PLEC: variants seen among roughly 807,000 people sequenced by gnomAD.
The protein encoded by PLEC is hemidesmosomal protein 1.
In PLEC, 216 loss-of-function variants were observed where a neutral mutation model predicts 392.8. That is an observed-to-expected ratio of 0.55 (90% CI 0.49 to 0.62). The LOEUF is 0.62. Among genes scored for constraint, PLEC ranks in the 20% least tolerant of loss-of-function variants. PLEC has a pLI of 0.00. For synonymous variants in PLEC, 3,621 were observed against 2,980.6 expected, an observed-to-expected ratio of 1.21 and a Z score of -7.00; for missense variants, 6,863 against 6,563.4, an observed-to-expected ratio of 1.05 and a Z score of -1.58.
chr8:143,946,400 A>G, intron 1 of PLEC: 1 of 1,288,450 alleles, frequency 7.8e-7, no homozygotes, highest in Non-Finnish European at 1.0e-6. Flanking sequence ...CATGGCTGCC[A>G]CACAGGCCAG....
At chr8:143,939,201 C>G in intron 1 of PLEC, 149 bp downstream of exon 1, 1 of 1,135,422 alleles carries the variant, frequency 8.8e-7, no homozygotes, top group Non-Finnish European at 1.3e-6. Context: ...TCGGCCCACT[C>G]CGTGTTGGGT....
chr8:143,929,258 C>T lies in PLEC; in HGVS notation c.3105G>A (p.Gly1035=). 1 of 1,601,588 alleles carries T rather than the reference C, an allele frequency of 6.2e-7. No individual in the cohort carries two copies. Among genetic ancestry groups the T allele is most frequent in the Non-Finnish European group, 8.5e-7 (1 of 1,179,522 alleles). Residue 1035 remains glycine, a synonymous_variant, in exon 25 of 32, where the codon GGG becomes GGA. Transcript: ENST00000345136. ...AGAGCCGGGCGACCCCCTTGCCCAG[C>T]CCCTCCACCTCTGCCTGTGCCTTCT... The part of the protein sequence containing the change: ...EQQKAQAEVE[G]LGKGVARLSA...
rs1586998321 is a variant in PLEC, at chr8:143,929,133, A to C, written c.3230T>G (p.Val1077Gly). ...LELTLGKLEQVRSLSAIYLEK... is the reference protein window; with the variant it reads ...LELTLGKLEQGRSLSAIYLEK... ...CAGGTAGATGGCAGACAGGCTGCGG[A>C]CCTGCTCCAGCTTGCCCAGCGTCAG... Residue 1077 changes from valine to glycine, a missense_variant, in exon 25 of 32, where the codon GTC becomes GGC. By Grantham distance (109) the Val-to-Gly change is moderately radical. Coordinates refer to ENST00000345136, the MANE Select transcript of PLEC (RefSeq NM_201384.3). 6.3e-7 allele frequency: 1 copy of C among 1,586,290 alleles called. No homozygotes were observed. The highest frequency in any genetic ancestry group is 8.6e-7 in the Non-Finnish European group (1 of 1,167,578).
chr8:143,942,425 T>A, upstream of PLEC: 1 of 1,605,450 alleles, frequency 6.2e-7, no homozygotes. Context: ...AGGTAGCCCC[T>A]GCGGGCCGGC....
At chr8:143,950,623 C>A in exon 1 of PLEC, 1 of 1,602,524 alleles carries the variant, frequency 6.2e-7, no homozygotes, top group East Asian at 2.3e-5. Flanking sequence ...GCCGGTCCTT[C>A]TTGGCCACCA....
At chr8:143,957,151 A>G (rs1234079289), upstream of PLEC, among the ~76,000 whole-genome samples, 1 of 152,162 alleles carries the variant, frequency 6.6e-6, no homozygotes, top group Non-Finnish European at 1.5e-5. Flanking sequence ...GCCCACGAGC[A>G]AGAGATTTAG....
chr8:143,936,700 C>T (rs1471428836), intron 5 of PLEC, among the ~76,000 whole-genome samples: 2 of 152,210 alleles, frequency 1.3e-5, no homozygotes, highest in Admixed American at 6.5e-5. Context: ...GGGCAGGCAC[C>T]GGGGCCTGCA....
intron 1 of PLEC, among the ~76,000 whole-genome samples, chr8:143,972,929 C>T (rs894283933): frequency 6.6e-6 from 1 of 152,192 alleles, no homozygotes; most frequent in Non-Finnish European, 1.5e-5. Flanking sequence ...GGGGGGGGTG[C>T]CCTGCCAAGG....
Position 143,934,894 on chromosome 8 carries a change from C to A in PLEC, c.861G>T (p.Leu287=). ...LQLRWQEYRE[L]VLLLLQWMRH... The stretch of plus-strand genomic sequence containing the variant: ...GCATCCACTGAAGCAGCAGCAGCAC[C>A]AGCTCCCGGTACTCCTGCCAGCGCA... The change falls in exon 9 of 32, where the codon CTG becomes CTT. Residue 287 remains leucine (L), a synonymous_variant. Coordinates refer to ENST00000345136, the MANE Select transcript of PLEC (RefSeq NM_201384.3). 5 of 1,611,386 alleles carry A rather than the reference C, an allele frequency of 3.1e-6. No individual in the cohort carries two copies. The highest frequency in any genetic ancestry group is 3.4e-6 in the Non-Finnish European group (4 of 1,179,776).
Position 143,922,033 on chromosome 8 carries a change from C to T in PLEC, c.7788G>A (p.Glu2596=). Residue 2596 remains glutamate, a synonymous_variant, in exon 32 of 32, where the codon GAG becomes GAA. Coordinates refer to ENST00000345136, the MANE Select transcript of PLEC (RefSeq NM_201384.3). ...GCTGCTCCTCCAGGAGCTGCAGCTGCTCACGCAGCCTCTGGTTCTCCTCAG... is the reference window on the plus strand; with the variant it reads ...GCTGCTCCTCCAGGAGCTGCAGCTGTTCACGCAGCCTCTGGTTCTCCTCAG... ...LLAEENQRLR[E]QLQLLEEQHR... The T allele has an allele frequency of 6.3e-7, 1 of 1,595,938 alleles. No individual in the cohort carries two copies. The highest frequency in any genetic ancestry group is 8.5e-7 in the Non-Finnish European group (1 of 1,179,008).
chr8:143,946,179 G>A lies in PLEC; in HGVS notation c.523+4005C>T, dbSNP rs145567579. The stretch of plus-strand genomic sequence containing the variant: ...GAGGTCCGGACAGGCCTGTGCTTCC[G>A]GGACACACATCACACACACCCCTGG... On this transcript the variant is annotated intron_variant, in intron 1 of 31. Coordinates refer to the PLEC transcript ENST00000322810. Among the ~76,000 whole-genome samples, 615 of 152,326 alleles carry A rather than the reference G, an allele frequency of 4.0e-3. 3 individuals are homozygous for A. Among genetic ancestry groups the A allele is most frequent in the African/African-American group, 0.014 (581 of 41,580 alleles).
Position 143,973,301 on chromosome 8 carries a change from C to A in PLEC, c.70+102G>T. ...AGGCGGACGAGGCCGGCGGAGTGGC[C>A]GCGCTCGGGCCGGCGATCGGGACCG... On this transcript the variant is annotated intron_variant, in intron 1 of 31. Transcript: ENST00000356346. The surrounding 1 kb of genome is among the most constrained non-coding windows in gnomAD (Gnocchi z 5.6). 7.0e-7 allele frequency: 1 copy of A among 1,436,968 alleles called. No homozygotes were observed. The highest frequency in any genetic ancestry group is 2.7e-5 in the East Asian group (1 of 36,780). 89.0% of individuals were successfully genotyped at this position (1,436,968 alleles called of 1,614,324 possible).
At position 143,918,015 on chromosome 8, in the gene PLEC, C is replaced by A. The variant is rs368314247; in HGVS notation, c.11806G>T (p.Ala3936Ser). The A allele has an allele frequency of 6.2e-7, 1 of 1,611,594 alleles. No individual in the cohort carries two copies. The highest frequency in any genetic ancestry group is 8.5e-7 in the Non-Finnish European group (1 of 1,179,704). Reference protein sequence around the residue: ...QKFLEGTSCIAGVFVDATKER... With the variant: ...QKFLEGTSCISGVFVDATKER... Reference sequence around the variant, plus strand: ...TTGGTGGCGTCCACGAAGACACCAGCGATGCAGCTGGTGCCTTCCAGGAAC... The same window carrying A: ...TTGGTGGCGTCCACGAAGACACCAGAGATGCAGCTGGTGCCTTCCAGGAAC... Residue 3936 changes from alanine (A) to serine (S), a missense_variant, in exon 32 of 32, where the codon GCT becomes TCT. Physicochemically the swap from Ala to Ser is moderately conservative, Grantham distance 99. Transcript: ENST00000345136.
rs1823703276 is a variant in PLEC, at chr8:143,923,549, G to A, written c.6380C>T (p.Ala2127Val). Reference sequence around the variant, plus strand: ...TGCAGCCGCCTGTGCCTGAGCCCGGGCCTGTGCCTGCTCCTCTGCCGACTG... The same window carrying A: ...TGCAGCCGCCTGTGCCTGAGCCCGGACCTGTGCCTGCTCCTCTGCCGACTG... ...LKQSAEEQAQ[A>V]RAQAQAAAEK... is the part of the protein sequence containing the mutation. Residue 2127 changes from alanine (A) to valine (V), a missense_variant, in exon 31 of 32, where the codon GCC becomes GTC. Physicochemically the swap from Ala to Val is moderately conservative, Grantham distance 64. Coordinates refer to ENST00000345136, the MANE Select transcript of PLEC (RefSeq NM_201384.3). 1 of 1,597,812 alleles carries A rather than the reference G, an allele frequency of 6.3e-7. No individual in the cohort carries two copies. The highest frequency in any genetic ancestry group is 8.5e-7 in the Non-Finnish European group (1 of 1,178,118).
chr8:143,950,895 G>A (rs1832079705), upstream of PLEC: 6 of 1,245,534 alleles, frequency 4.8e-6, no homozygotes, highest in South Asian at 9.3e-5. Context: ...GTGGCTCGTG[G>A]CGCCTGGCTC....
exon 1 of PLEC, chr8:143,950,700 C>T (rs1554735939): frequency 6.4e-7 from 1 of 1,563,310 alleles, no homozygotes; most frequent in South Asian, 1.2e-5. Flanking sequence ...AGCATGCCGG[C>T]CACCATGGCT....
Position 143,918,597 on chromosome 8 carries a change from G to T in PLEC, c.11224C>A (p.Leu3742Met), listed in dbSNP as rs1554675757. The T allele has an allele frequency of 2.5e-6, 4 of 1,612,514 alleles. No homozygotes were observed. The South Asian group carries it at 4.4e-5, about 18-fold the overall frequency. Residue 3742 changes from leucine (L) to methionine (M), a missense_variant, in exon 32 of 32, where the codon CTG becomes ATG. Transcript: ENST00000345136. ...TTCCGCACAGCCTCATCCACAGTCA[G>T]CCGCTCCCCCTTCACCGGGTCCAGC... ...FLLDPVKGERLTVDEAVRKGL... is the reference protein window; with the variant it reads ...FLLDPVKGERMTVDEAVRKGL...
Position 143,935,898 on chromosome 8 carries a change from G to T in PLEC, c.552C>A (p.Thr184=). 6.2e-7 allele frequency: 1 copy of T among 1,612,962 alleles called. No homozygotes were observed. Residue 184 remains threonine, a synonymous_variant, in exon 6 of 32, where the codon ACC becomes ACA. Transcript: ENST00000345136. ...GYQGLRCDNF[T]SSWRDGRLFN... ...AGAGGCGGCCGTCTCTCCAGCTGGA[G>T]GTGAAGTTGTCGCATCGCAGGCCCT...
rs781913512 is a variant in PLEC at position 143,920,029 on chromosome 8, C to T, written c.9792G>A (p.Ala3264=). Residue 3264 remains alanine (A), a synonymous_variant, in exon 32 of 32, where the codon GCG becomes GCA. Coordinates refer to ENST00000345136, the MANE Select transcript of PLEC (RefSeq NM_201384.3). ...WELISSEYFT[A]EQRQELLRQF... ...GACGCAACAGCTCCTGCCGCTGCTC[C>T]GCAGTGAAGTACTCAGAGCTGATGA... 43 of 1,613,208 alleles carry T rather than the reference C, an allele frequency of 2.7e-5. No individual in the cohort carries two copies. Among genetic ancestry groups the T allele is most frequent in the South Asian group, 1.8e-4 (16 of 91,094 alleles).
Sources: allele counts gnomAD v4.1 joint callset (sites outside exome capture counted in the v4.1 genomes callset), GRCh38; gene constraint gnomAD v4.1.1; non-coding constraint Gnocchi (gnomAD v3.1); transcripts MANE v1.5; gene names NCBI Gene and HGNC (gene_info 2026-07-23, HGNC 2026-07-21).